The following SNX29 variants were observed in gnomAD, a reference collection of about 807,000 sequenced individuals.
SNX29 encodes sorting nexin-29.
SNX29 carries 78 observed loss-of-function variants against 102.1 expected under a neutral mutation model. That is an observed-to-expected ratio of 0.76 (90% CI 0.64 to 0.92). The LOEUF (loss-of-function observed/expected upper bound fraction) is 0.92, where lower values mean the gene tolerates loss of function less well. Ranked by LOEUF, SNX29 falls within the 40% of genes least tolerant of loss-of-function variation. The pLI is 0.00. For missense variants in SNX29, 1,280 were observed against 1,061.7 expected, an observed-to-expected ratio of 1.21 and a Z score of -2.86; for synonymous variants, 580 against 414.5, an observed-to-expected ratio of 1.40 and a Z score of -4.85.
chr16:12,197,254 C>G (rs2076799640), intron 13 of SNX29, among the ~76,000 whole-genome samples: 1 of 152,098 alleles, frequency 6.6e-6, no homozygotes, highest in Non-Finnish European at 1.5e-5. Flanking sequence ...CAATGAGGCT[C>G]TGGCTAAAGG....
intron 3 of SNX29, among the ~76,000 whole-genome samples, chr16:12,013,479 C>A (rs2056725280): frequency 2.4e-5 from 1 of 42,250 alleles, no homozygotes; most frequent in Non-Finnish European, 4.5e-5. Context: ...AACCCTGTCT[C>A]TACTGGGGGA....
At chr16:12,310,737 C>G (rs2080511658) in intron 15 of SNX29, among the ~76,000 whole-genome samples, 2 of 152,240 alleles carry the variant, frequency 1.3e-5, no homozygotes, top group South Asian at 2.1e-4. Flanking sequence ...TATGTCAAAA[C>G]TTGTCAGAAG....
At chr16:12,190,154 T>C (rs1441257858) in intron 13 of SNX29, among the ~76,000 whole-genome samples, 1 of 152,150 alleles carries the variant, frequency 6.6e-6, no homozygotes, top group Non-Finnish European at 1.5e-5. Flanking sequence ...CTCTTCATTA[T>C]AGAGATCCTC....
At position 12,388,196 on chromosome 16, in the gene SNX29, G is replaced by A. The variant is rs145863086; in HGVS notation, c.1900-10250G>A. 1.7e-3 allele frequency among the ~76,000 whole-genome samples: 253 copies of A among 152,322 alleles called. 2 individuals are homozygous for A. Among genetic ancestry groups the A allele is most frequent in the African/African-American group, 5.7e-3 (237 of 41,548 alleles). ...ACCCATGTTTCTTCTGGGGGAGACA[G>A]CAGGTGTTATAGAAGGAGCACAACT... On this transcript the variant is annotated intron_variant, in intron 16 of 20. Coordinates refer to ENST00000566228, the MANE Select transcript of SNX29 (RefSeq NM_032167.5).
chr16:12,533,694 T>G (rs564374753), intron 20 of SNX29, among the ~76,000 whole-genome samples: 2 of 152,094 alleles, frequency 1.3e-5, no homozygotes, highest in African/African-American at 2.4e-5. Flanking sequence ...CTCTGTCGAC[T>G]GGATGCCTTG....
chr16:12,440,071 C>T (rs1467838087), intron 18 of SNX29, among the ~76,000 whole-genome samples: 1 of 152,152 alleles, frequency 6.6e-6, no homozygotes, highest in South Asian at 2.1e-4. Context: ...ATGTCACCCA[C>T]CCCACCGGAT....
At chr16:12,526,724 T>G (rs2076793787) in intron 20 of SNX29, 1 of 470,648 alleles carries the variant, frequency 2.1e-6, no homozygotes, top group Non-Finnish European at 4.1e-6. Context: ...CCTAAGATAC[T>G]CCTGATGCTG....
intron 4 of SNX29, among the ~76,000 whole-genome samples, chr16:12,033,402 C>A (rs1249053758): frequency 6.6e-6 from 1 of 151,592 alleles, no homozygotes; most frequent in African/African-American, 2.4e-5. Context: ...CGTGCCTGGC[C>A]TCCTTTTTTC....
chr16:12,290,170 A>G (rs77575927), intron 15 of SNX29, among the ~76,000 whole-genome samples: 2 of 152,122 alleles, frequency 1.3e-5, no homozygotes, highest in African/African-American at 4.8e-5. Flanking sequence ...TTCCTGTAAA[A>G]GTAACATGTT....
chr16:12,010,439 T>C (rs2056608068), intron 3 of SNX29, among the ~76,000 whole-genome samples: 1 of 152,068 alleles, frequency 6.6e-6, no homozygotes, highest in Non-Finnish European at 1.5e-5. Flanking sequence ...CTGGCCAACA[T>C]GGCGAAACCC....
At chr16:12,527,283 C>G (rs577621673) in intron 20 of SNX29, 3 of 532,322 alleles carry the variant, frequency 5.6e-6, no homozygotes, top group African/African-American at 3.7e-5. Context: ...TGTCCTTTCT[C>G]CATGTGCTGC....
At chr16:12,562,654 A>G (rs1460898802) in intron 20 of SNX29, among the ~76,000 whole-genome samples, 6 of 152,112 alleles carry the variant, frequency 3.9e-5, no homozygotes, top group Non-Finnish European at 7.4e-5. Context: ...GGGCTGTTTT[A>G]TGTCGGGAAA....
intron 3 of SNX29, among the ~76,000 whole-genome samples, chr16:12,011,188 G>GT (rs1226333234): frequency 1.1e-4 from 16 of 144,602 alleles, no homozygotes; most frequent in African/African-American, 2.3e-4. Flanking sequence ...AATTGCTTGG[G>GT]GTTTTTTTTT....
chr16:11,978,558 A>G (rs2055351968), intron 1 of SNX29, among the ~76,000 whole-genome samples: 1 of 152,088 alleles, frequency 6.6e-6, no homozygotes, highest in African/African-American at 2.4e-5. Flanking sequence ...TGTTTCTGCA[A>G]GAGCTCATGT....
chr16:12,299,008 A>T lies in SNX29; in HGVS notation c.1782+20972A>T, dbSNP rs1596810783. ...ACCAATGAGTCTTTAAAAAAAAAAAAAAAAAATAGGGCTGGGCACGGTGGC... is the reference window on the plus strand; with the variant it reads ...ACCAATGAGTCTTTAAAAAAAAAAATAAAAAATAGGGCTGGGCACGGTGGC... On this transcript the variant is annotated intron_variant, in intron 15 of 20. Coordinates refer to ENST00000566228, the MANE Select transcript of SNX29 (RefSeq NM_032167.5). Among the ~76,000 whole-genome samples, 3 of 151,702 alleles carry T rather than the reference A, an allele frequency of 2.0e-5. No individual in the cohort carries two copies. The South Asian group carries it at 6.3e-4, about 32-fold the overall frequency.
intron 14 of SNX29, among the ~76,000 whole-genome samples, chr16:12,268,141 T>G (rs1567377497): frequency 6.6e-6 from 1 of 152,192 alleles, no homozygotes; most frequent in South Asian, 2.1e-4. Flanking sequence ...TAACTAGCAC[T>G]TGCAACCATC....
At position 12,038,552 on chromosome 16, in the gene SNX29, C is replaced by T. The variant is rs372551188; in HGVS notation, c.248-4345C>T. Among the ~76,000 whole-genome samples the T allele has an allele frequency of 5.3e-5, 8 of 152,270 alleles. No homozygotes were observed. In the South Asian group the frequency reaches 1.0e-3, roughly 20 times the overall value. On this transcript the variant is annotated intron_variant, in intron 4 of 20. Transcript: ENST00000566228. ...TATCCCTAAATTAAATTACGGACAC[C>T]GCAGGCGCTAATTGGCAGGTGAGCT... is the stretch of plus-strand genomic sequence containing the variant.
At chr16:12,240,289 C>T (rs929920130) in intron 14 of SNX29, among the ~76,000 whole-genome samples, 1 of 152,202 alleles carries the variant, frequency 6.6e-6, no homozygotes, top group Non-Finnish European at 1.5e-5. Flanking sequence ...CAACATGCTT[C>T]CCAGAAAAAC....
At chr16:12,084,853 G>C (rs2052085595) in intron 11 of SNX29, among the ~76,000 whole-genome samples, 1 of 152,164 alleles carries the variant, frequency 6.6e-6, no homozygotes, top group Non-Finnish European at 1.5e-5. Context: ...CAGATCACTT[G>C]AGGGCAGGAG....
Sources: gnomAD v4.1 joint callset for allele counts (sites outside exome capture counted in the v4.1 genomes callset) on GRCh38, gnomAD v4.1.1 for gene constraint, MANE v1.5 for transcripts, NCBI Gene and HGNC (gene_info 2026-07-23, HGNC 2026-07-21) for gene names.